DCC: variants seen among roughly 807,000 people sequenced by gnomAD.
DCC encodes the protein DCC netrin 1 receptor, also known as netrin receptor DCC.
In DCC, 58 loss-of-function variants were observed where a neutral mutation model predicts 172.5. The ratio of observed to expected loss-of-function variants is 0.34; its 90% CI spans 0.27 to 0.42. The LOEUF (loss-of-function observed/expected upper bound fraction) is 0.42. Among genes scored for constraint, DCC ranks in the 10% least tolerant of loss-of-function variants. DCC has a pLI of 1.00. For synonymous variants in DCC, 709 were observed against 644.5 expected, an observed-to-expected ratio of 1.10 and a Z score of -1.52; for missense variants, 1,740 against 1,791.0, an observed-to-expected ratio of 0.97 and a Z score of 0.51.
At chr18:52,974,754 A>T (rs2041089402) in intron 5 of DCC, among the ~76,000 whole-genome samples, 1 of 152,206 alleles carries the variant, frequency 6.6e-6, no homozygotes, top group African/African-American at 2.4e-5. Context: ...AAACCAAGAG[A>T]TGATGACTGC....
At chr18:53,276,461 T>C (rs1598973717) in intron 12 of DCC, among the ~76,000 whole-genome samples, 1 of 152,216 alleles carries the variant, frequency 6.6e-6, no homozygotes, top group East Asian at 1.9e-4. Flanking sequence ...AATCTGTTTC[T>C]AAATTCTCTG....
intron 13 of DCC, among the ~76,000 whole-genome samples, chr18:53,319,539 T>C (rs1443416410): frequency 6.6e-6 from 1 of 152,256 alleles, no homozygotes; most frequent in Non-Finnish European, 1.5e-5. Context: ...CTTCAAGTTG[T>C]TAGCAGACTT....
At chr18:53,257,615 A>G (rs1013200204) in intron 12 of DCC, among the ~76,000 whole-genome samples, 1 of 152,216 alleles carries the variant, frequency 6.6e-6, no homozygotes, top group African/African-American at 2.4e-5. Flanking sequence ...TTGGTTTGCC[A>G]GTATTTTATT....
intron 1 of DCC, among the ~76,000 whole-genome samples, chr18:52,639,764 C>T (rs915022329): frequency 6.6e-6 from 1 of 152,046 alleles, no homozygotes; most frequent in Non-Finnish European, 1.5e-5. Context: ...GATGGATTCA[C>T]ACCAGAATCC....
intron 8 of DCC, among the ~76,000 whole-genome samples, chr18:53,174,824 T>A (rs1351842488): frequency 1.3e-5 from 2 of 151,948 alleles, no homozygotes; most frequent in Admixed American, 1.3e-4. Flanking sequence ...TAACTCTTTT[T>A]ACGAGGCCAG....
At chr18:53,072,824 C>T (rs7233758) in intron 7 of DCC, among the ~76,000 whole-genome samples, 1,704 of 152,256 alleles carry the variant, frequency 0.011, 35 homozygotes, top group African/African-American at 0.038. Context: ...AGAGCACAGA[C>T]TTTGGAGTCA....
chr18:52,497,244 G>A (rs1159225726), intron 1 of DCC, among the ~76,000 whole-genome samples: 1 of 122,016 alleles, frequency 8.2e-6, no homozygotes, highest in Admixed American at 9.9e-5. Flanking sequence ...CTGGGTAACA[G>A]AGTGAGACCC....
intron 9 of DCC, among the ~76,000 whole-genome samples, chr18:53,189,699 T>C (rs2055337469): frequency 6.6e-6 from 1 of 152,202 alleles, no homozygotes; most frequent in African/African-American, 2.4e-5. Context: ...GCCTTGTAAG[T>C]TGTAGGACAT....
intron 1 of DCC, among the ~76,000 whole-genome samples, chr18:52,672,699 A>G (rs1462992742): frequency 8.1e-6 from 1 of 123,352 alleles, no homozygotes; most frequent in Non-Finnish European, 1.6e-5. Context: ...CTTCCCTTGC[A>G]AAGAAAGGAG....
chr18:52,445,969 T>C (rs951492225), intron 1 of DCC, among the ~76,000 whole-genome samples: 2 of 152,236 alleles, frequency 1.3e-5, no homozygotes, highest in Admixed American at 1.3e-4. Context: ...GCTCGCTCTG[T>C]CGCCCAGGCT....
At chr18:52,527,956 G>A (rs1189377871) in intron 1 of DCC, among the ~76,000 whole-genome samples, 3 of 152,130 alleles carry the variant, frequency 2.0e-5, no homozygotes, top group Middle Eastern at 3.2e-3. Flanking sequence ...GTAATACAGA[G>A]GGTCAGCAAG....
intron 1 of DCC, among the ~76,000 whole-genome samples, chr18:52,357,249 G>A (rs916351348): frequency 5.9e-5 from 9 of 152,082 alleles, no homozygotes; most frequent in African/African-American, 1.9e-4. Flanking sequence ...AGCTCCTCAG[G>A]GAAATAGTTG....
intron 1 of DCC, among the ~76,000 whole-genome samples, chr18:52,612,289 C>T (rs2034290785): frequency 6.6e-6 from 1 of 152,098 alleles, no homozygotes; most frequent in African/African-American, 2.4e-5. Context: ...CCTCCATCTT[C>T]CTCATCTCTC....
intron 1 of DCC, among the ~76,000 whole-genome samples, chr18:52,373,811 C>G (rs922759902): frequency 1.3e-5 from 2 of 151,898 alleles, no homozygotes; most frequent in African/African-American, 2.4e-5. Flanking sequence ...CTTATCCTCT[C>G]TCTCCCTGGA....
At chr18:52,378,879 T>A in intron 1 of DCC, among the ~76,000 whole-genome samples, 1 of 152,150 alleles carries the variant, frequency 6.6e-6, no homozygotes, top group East Asian at 1.9e-4. Context: ...TATTATCATG[T>A]TACAGTATGA....
intron 22 of DCC, among the ~76,000 whole-genome samples, chr18:53,445,182 C>T (rs1194113751): frequency 6.6e-6 from 1 of 152,160 alleles, no homozygotes; most frequent in Non-Finnish European, 1.5e-5. Context: ...TGATTGATTA[C>T]AGCATCTTAT....
At chr18:52,684,113 A>T (rs965916580) in intron 1 of DCC, among the ~76,000 whole-genome samples, 5 of 152,120 alleles carry the variant, frequency 3.3e-5, no homozygotes. Context: ...TTTTGTCCAT[A>T]GGTGTTCTTC....
At chr18:52,793,040 G>A (rs1598807956) in intron 2 of DCC, among the ~76,000 whole-genome samples, 1 of 152,220 alleles carries the variant, frequency 6.6e-6, no homozygotes, top group South Asian at 2.1e-4. Context: ...GTGTGTGAGA[G>A]ACCTCTGATA....
rs111447403 is a variant in DCC at position 53,128,197 on chromosome 18, C to T, written c.1262-29159C>T. Among the ~76,000 whole-genome samples the T allele has an allele frequency of 9.7e-3, 1,475 of 152,208 alleles. 33 individuals carry two copies. The highest frequency in any genetic ancestry group is 0.033 in the African/African-American group (1,368 of 41,542). Reference sequence around the variant, plus strand: ...ACTTCTTTTCTCACTTACCTTAGTACGAAAATAGCATACATTTTTTAATGT... The same window carrying T: ...ACTTCTTTTCTCACTTACCTTAGTATGAAAATAGCATACATTTTTTAATGT... On this transcript the variant is annotated intron_variant, in intron 7 of 28. Transcript: ENST00000442544.
Sources: allele counts gnomAD v4.1 joint callset (sites outside exome capture counted in the v4.1 genomes callset), GRCh38; gene constraint gnomAD v4.1.1; transcripts MANE v1.5; gene names NCBI Gene and HGNC (gene_info 2026-07-23, HGNC 2026-07-21).